Variants in EPHA6 observed in about 807,000 individuals in gnomAD.
EPHA6 encodes the protein EPH receptor A6.
A neutral mutation model predicts 112.0 loss-of-function variants in EPHA6; 50 were observed. The observed-to-expected ratio is 0.45, with a 90% CI of 0.36 to 0.56. The LOEUF is 0.56. EPHA6 is among the 20% of genes least tolerant of loss of function. The pLI, the probability that EPHA6 is intolerant of heterozygous loss-of-function variation, is 0.00. For synonymous variants in EPHA6, 529 were observed against 490.7 expected, an observed-to-expected ratio of 1.08 and a Z score of -1.03; for missense variants, 1,280 against 1,417.4, an observed-to-expected ratio of 0.90 and a Z score of 1.56.
At chr3:97,031,547 T>C (rs1293979274) in intron 3 of EPHA6, among the ~76,000 whole-genome samples, 1 of 152,020 alleles carries the variant, frequency 6.6e-6, no homozygotes, top group Non-Finnish European at 1.5e-5. Flanking sequence ...AACCTACTCA[T>C]CTGACAAAGG....
At chr3:97,649,232 G>T (rs1306412013) in intron 14 of EPHA6, among the ~76,000 whole-genome samples, 3 of 152,074 alleles carry the variant, frequency 2.0e-5, no homozygotes, top group African/African-American at 7.2e-5. Flanking sequence ...CTTACATGGT[G>T]ACAGGCAAGT....
chr3:97,650,067 C>T (rs1560231605), intron 14 of EPHA6, among the ~76,000 whole-genome samples: 1 of 152,122 alleles, frequency 6.6e-6, no homozygotes, highest in Admixed American at 6.6e-5. Flanking sequence ...AATTAGTAGT[C>T]TCCACATCTT....
At chr3:97,441,140 A>G (rs2090116737) in intron 6 of EPHA6, among the ~76,000 whole-genome samples, 1 of 151,980 alleles carries the variant, frequency 6.6e-6, no homozygotes, top group African/African-American at 2.4e-5. Context: ...TAACCCAAAT[A>G]TCGTGAGATT....
rs561252606 is a variant in EPHA6, at chr3:97,572,190, G to T, written c.2387-20422G>T. ...TTTTGAGACGGAGTCTCGCTCTGTC[G>T]CCCAGGCTGGAGTGCAATGGCACTA... On this transcript the variant is annotated intron_variant, in intron 11 of 17. Coordinates refer to ENST00000389672, the MANE Select transcript of EPHA6 (RefSeq NM_001080448.3). Among the ~76,000 whole-genome samples the T allele has an allele frequency of 9.3e-5, 12 of 128,938 alleles. 1 individual carries two copies. In the South Asian group the frequency reaches 2.8e-3, roughly 31 times the overall value. The allele number at this position is 128,938 out of a possible 152,430, so 84.6% of individuals were successfully genotyped here.
intron 3 of EPHA6, among the ~76,000 whole-genome samples, chr3:97,015,656 A>C (rs1409126947): frequency 6.6e-6 from 1 of 152,164 alleles, no homozygotes. Flanking sequence ...GGACACATTA[A>C]AATACAAATA....
intron 6 of EPHA6, among the ~76,000 whole-genome samples, chr3:97,440,669 T>G (rs1440134275): frequency 6.6e-6 from 1 of 151,326 alleles, no homozygotes; most frequent in Non-Finnish European, 1.5e-5. Context: ...GACATTAAGA[T>G]CCTCACATAT....
chr3:97,010,079 A>C (rs2044030746), intron 3 of EPHA6: 1 of 1,290,430 alleles, frequency 7.7e-7, no homozygotes, highest in Non-Finnish European at 1.0e-6. Flanking sequence ...AGAATAAAAG[A>C]AAAAGCAAAA....
intron 3 of EPHA6, among the ~76,000 whole-genome samples, chr3:97,175,721 A>G (rs1305669154): frequency 6.6e-6 from 1 of 151,756 alleles, no homozygotes; most frequent in Admixed American, 6.6e-5. Flanking sequence ...AATGCTATTG[A>G]TTTTTGTCTG....
chr3:97,292,568 A>G (rs1266922958), intron 5 of EPHA6, among the ~76,000 whole-genome samples: 1 of 152,138 alleles, frequency 6.6e-6, no homozygotes, highest in Admixed American at 6.5e-5. Context: ...CCCGTGATGG[A>G]TAGGTGGATA....
chr3:96,822,870 A>T lies in EPHA6; in HGVS notation c.385+7862A>T, dbSNP rs1039440656. Among the ~76,000 whole-genome samples, 110 of 151,442 alleles carry T rather than the reference A, an allele frequency of 7.3e-4. 2 individuals are homozygous for T. In the Admixed American group the frequency reaches 7.3e-3, roughly 10 times the overall value. ...ATAGAGTATAACACCTAGAAATAGGAAAAGCACTAACTTTTAATGTTAAAA... is the reference window on the plus strand; with the variant it reads ...ATAGAGTATAACACCTAGAAATAGGTAAAGCACTAACTTTTAATGTTAAAA... On this transcript the variant is annotated intron_variant, in intron 1 of 17. Transcript: ENST00000389672.
intron 3 of EPHA6, among the ~76,000 whole-genome samples, chr3:96,988,579 G>A (rs998190455): frequency 2.6e-5 from 4 of 152,034 alleles, no homozygotes; most frequent in African/African-American, 9.7e-5. Context: ...AAATAAATGA[G>A]GGATTCATGT....
chr3:97,166,701 C>A (rs2076551938), intron 3 of EPHA6, among the ~76,000 whole-genome samples: 1 of 152,098 alleles, frequency 6.6e-6, no homozygotes, highest in South Asian at 2.1e-4. Flanking sequence ...TCTGCAGTGA[C>A]AAATGCACCC....
At chr3:96,863,697 A>G (rs1166227249) in intron 1 of EPHA6, among the ~76,000 whole-genome samples, 1 of 152,050 alleles carries the variant, frequency 6.6e-6, no homozygotes. Flanking sequence ...GTTTACAACT[A>G]TGAATACTGA....
At chr3:96,945,833 A>G (rs1268821754) in intron 2 of EPHA6, among the ~76,000 whole-genome samples, 1 of 152,224 alleles carries the variant, frequency 6.6e-6, no homozygotes, top group Non-Finnish European at 1.5e-5. Context: ...CTACATTGAT[A>G]CATTGTTATC....
chr3:97,502,372 T>C lies in EPHA6; in HGVS notation c.2200+18313T>C, dbSNP rs1313538021. Among the ~76,000 whole-genome samples, 7 of 151,422 alleles carry C rather than the reference T, an allele frequency of 4.6e-5. 1 individual carries two copies. Among genetic ancestry groups the C allele is most frequent in the African/African-American group, 1.5e-4 (6 of 41,148 alleles). ...TTAGTAGAGATGGGGTTTCACCACG[T>C]TGGGCAGGCTGGTCTCAAACTCCTG... On this transcript the variant is annotated intron_variant, in intron 10 of 17. Transcript: ENST00000389672.
chr3:97,690,542 A>G (rs1014285349), intron 14 of EPHA6, among the ~76,000 whole-genome samples: 1 of 150,854 alleles, frequency 6.6e-6, no homozygotes, highest in South Asian at 2.1e-4. Flanking sequence ...ATCGAGGCTC[A>G]CTGCAACCTC....
intron 14 of EPHA6, among the ~76,000 whole-genome samples, chr3:97,675,341 G>A (rs891961291): frequency 2.0e-5 from 3 of 151,932 alleles, no homozygotes; most frequent in East Asian, 1.9e-4. Context: ...TTAGCCAGGC[G>A]GGGTGGTGGG....
At chr3:97,228,582 A>T (rs2108549273) in intron 4 of EPHA6, among the ~76,000 whole-genome samples, 1 of 151,492 alleles carries the variant, frequency 6.6e-6, no homozygotes. Context: ...TAAATGTTAT[A>T]TATATATATA....
At chr3:96,969,028 T>G (rs541575639) in intron 2 of EPHA6, among the ~76,000 whole-genome samples, 1 of 151,990 alleles carries the variant, frequency 6.6e-6, no homozygotes, top group Admixed American at 6.6e-5. Flanking sequence ...TAATAATTTG[T>G]GAAATTAAAA....
Sources: allele counts gnomAD v4.1 joint callset (sites outside exome capture counted in the v4.1 genomes callset), GRCh38; gene constraint gnomAD v4.1.1; transcripts MANE v1.5; gene names NCBI Gene and HGNC (gene_info 2026-07-23, HGNC 2026-07-21).